The following FLG variants were observed in gnomAD, a reference collection of about 807,000 sequenced individuals.
FLG encodes the protein filaggrin, also known as epidermal filaggrin.
FLG carries 6 observed loss-of-function variants against 3.8 expected under a neutral mutation model. That is an observed-to-expected ratio of 1.60 (90% CI 0.87 to 3.15). The LOEUF is 3.15. Ranked by LOEUF, FLG falls within the 30% of genes most tolerant of loss-of-function variation. FLG has a pLI of 0.00. For synonymous variants in FLG, 2,551 were observed against 1,931.6 expected (o/e 1.32, Z -8.41); for missense variants, 7,595 against 5,050.9 (o/e 1.50, Z -15.27).
rs1367096660 is a variant in FLG, at chr1:152,303,571, G to C, written c.11315C>G (p.Ser3772Cys). The change falls in exon 3 of 3, where the codon TCC becomes TGC. Residue 3772 changes from serine (S) to cysteine (C), a missense_variant. By Grantham distance (112) the Ser-to-Cys change is moderately radical (BLOSUM62 -1). Transcript: ENST00000368799. ...CCTATCTACCGATTGCTCGTGGTAG[G>C]ATCCCTGTCTTCCTCCTCTCCTTGA... ...PGSRRGGRQG[S>C]YHEQSVDRSG... is the part of the protein sequence containing the mutation. 1 of 1,613,962 alleles carries C rather than the reference G, an allele frequency of 6.2e-7. No homozygotes were observed. Among genetic ancestry groups the C allele is most frequent in the Non-Finnish European group, 8.5e-7 (1 of 1,179,988 alleles).
chr1:152,302,757 A>G lies in FLG; in HGVS notation c.12129T>C (p.Ser4043=). Residue 4043 remains serine, a synonymous_variant, in exon 3 of 3, where the codon AGT becomes AGC. Coordinates refer to ENST00000368799, the MANE Select transcript of FLG (RefSeq NM_002016.2). ...TAAATCCCAGTTGTTTCGATATATC[A>G]CTAGAATGGCCACATAAACCTGGGT... The part of the protein sequence containing the change: ...NKDPGLCGHS[S]DISKQLGFSQ... 6.2e-7 allele frequency: 1 copy of G among 1,614,168 alleles called. No homozygotes were observed. The highest frequency in any genetic ancestry group is 8.5e-7 in the Non-Finnish European group (1 of 1,180,032).
In FLG at chr1:152,312,473, A is replaced by T; in HGVS notation, c.2413T>A (p.Ser805Thr). 6.2e-7 allele frequency: 1 copy of T among 1,612,720 alleles called. No individual in the cohort carries two copies. The highest frequency in any genetic ancestry group is 8.5e-7 in the Non-Finnish European group (1 of 1,179,714). ...YQVSTHKQSE[S>T]SHGWTGPSTG... ...CTGGGCCCTGTCCATCCATGGGAGG[A>T]CTCAGACTGTTTATGAGTGCTCACC... The change falls in exon 3 of 3, where the codon TCC (serine) becomes ACC (threonine). Residue 805 changes from serine to threonine, a missense_variant. By Grantham distance (58) the Ser-to-Thr change is moderately conservative (BLOSUM62 1). Transcript: ENST00000368799.
rs140368354 is a variant in FLG at position 152,304,640 on chromosome 1, C to G, written c.10246G>C (p.Glu3416Gln). 3.1e-6 allele frequency: 5 copies of G among 1,612,638 alleles called. No individual in the cohort carries two copies. The African/African-American group carries it at 6.7e-5, about 22-fold the overall frequency. Residue 3416 changes from glutamate (E) to glutamine (Q), a missense_variant, in exon 3 of 3, where the codon GAG (glutamate) becomes CAG (glutamine). By Grantham distance (29) the Glu-to-Gln change is conservative (BLOSUM62 2). Coordinates refer to ENST00000368799, the MANE Select transcript of FLG (RefSeq NM_002016.2). ...TGCCTGGAGCTGTCTCGTGCCTGCT[C>G]GTGGTGGGATCCTTGTCTTCGTCCA... ...STGRRQGSHH[E>Q]QARDSSRHSA...
rs145318839 is a variant in FLG at position 152,322,849 on chromosome 1, G to A, written c.-22+2340C>T. Among the ~76,000 whole-genome samples the A allele has an allele frequency of 1.4e-3, 219 of 151,334 alleles. 3 individuals are homozygous for A. The highest frequency in any genetic ancestry group is 4.8e-3 in the African/African-American group (197 of 41,442). On this transcript the variant is annotated intron_variant, in intron 1 of 2. Coordinates refer to ENST00000368799, the MANE Select transcript of FLG (RefSeq NM_002016.2). ...TGAAATCCCATTCTGAATATCTGAA[G>A]TTTTTTTAAAAAATAAAGATTAATA...
intron 1 of FLG, among the ~76,000 whole-genome samples, chr1:152,318,569 TA>T (rs1557884490): frequency 6.7e-6 from 1 of 149,460 alleles, no homozygotes; most frequent in African/African-American, 2.5e-5. Flanking sequence ...ACCTTCTTTT[TA>T]AAAAAAATCT....
chr1:152,311,174 G>C lies in FLG; in HGVS notation c.3712C>G (p.His1238Asp), dbSNP rs753171514. Residue 1238 changes from histidine to aspartate, a missense_variant, in exon 3 of 3, where the codon CAT (histidine) becomes GAT (aspartate). Coordinates refer to ENST00000368799, the MANE Select transcript of FLG (RefSeq NM_002016.2). ...DGSRHSGSRHHEAASWADSSR... is the reference protein window; with the variant it reads ...DGSRHSGSRHDEAASWADSSR... ...CTGTCAGCCCAAGAGGCAGCTTCAT[G>C]GTGACGTGACCCTGAGTGCCTGGAG... is the stretch of plus-strand genomic sequence containing the variant. The C allele has an allele frequency of 1.2e-6, 2 of 1,613,646 alleles. No individual in the cohort carries two copies. Among genetic ancestry groups the C allele is most frequent in the South Asian group, 1.1e-5 (1 of 91,052 alleles).
rs1652572595 is a variant in FLG, at chr1:152,313,024, A to G, written c.1862T>C (p.Val621Ala). 1 of 1,613,868 alleles carries G rather than the reference A, an allele frequency of 6.2e-7. No homozygotes were observed. The highest frequency in any genetic ancestry group is 2.2e-5 in the East Asian group (1 of 44,844). Residue 621 changes from valine (V) to alanine (A), a missense_variant, in exon 3 of 3, where the codon GTT (valine) becomes GCT (alanine). Val to Ala is a moderately conservative substitution (Grantham distance 64). Transcript: ENST00000368799. The part of the protein sequence containing the change: ...PRTSRNQGSS[V>A]SQDSDSQGHS... ...TCCCTGACTGTCACTGTCCTGGCTA[A>G]CACTGGATCCCTGGTTCCTACTTGT...
At position 152,307,896 on chromosome 1, in the gene FLG, G is replaced by T. The variant is rs6664985; in HGVS notation, c.6990C>A (p.His2330Gln). The part of the protein sequence containing the change: ...EQARSSAGER[H>Q]GSHHQQSADS... Reference sequence around the variant, plus strand: ...CTGCTGACTGCTGGTGGTGGGATCCGTGTCTCTCTCCTGCACTTGATCTTG... The same window carrying T: ...CTGCTGACTGCTGGTGGTGGGATCCTTGTCTCTCTCCTGCACTTGATCTTG... Residue 2330 changes from histidine (H) to glutamine (Q), a missense_variant, in exon 3 of 3, where the codon CAC becomes CAA. His to Gln is a conservative substitution (Grantham distance 24). Transcript: ENST00000368799. The T allele has an allele frequency of 1.2e-4, 188 of 1,610,868 alleles. 1 individual carries two copies. Among genetic ancestry groups the T allele is most frequent in the Non-Finnish European group, 1.4e-4 (161 of 1,178,938 alleles).
chr1:152,321,351 A>G (rs562504340), intron 1 of FLG, among the ~76,000 whole-genome samples: 4 of 151,220 alleles, frequency 2.6e-5, no homozygotes, highest in East Asian at 3.9e-4. Context: ...AATTAATAAA[A>G]GAGAAAGAAA....
rs1359253104 is a variant in FLG at position 152,308,077 on chromosome 1, G to T, written c.6809C>A (p.Ser2270Tyr). The T allele has an allele frequency of 6.2e-7, 1 of 1,614,044 alleles. No homozygotes were observed. Among genetic ancestry groups the T allele is most frequent in the South Asian group, 1.1e-5 (1 of 91,078 alleles). ...GCCATCTCTTGACTGCTCCTGAGCAGATCCATGATGGTTTCTGGACGCAGA... is the reference window on the plus strand; with the variant it reads ...GCCATCTCTTGACTGCTCCTGAGCATATCCATGATGGTTTCTGGACGCAGA... ...SGSASRNHHG[S>Y]AQEQSRDGSR... The change falls in exon 3 of 3, where the codon TCT becomes TAT. Residue 2270 changes from serine to tyrosine, a missense_variant. Physicochemically the swap from Ser to Tyr is moderately radical, Grantham distance 144. Transcript: ENST00000368799.
rs776205622 is a variant in FLG, at chr1:152,309,450, G to A, written c.5436C>T (p.Thr1812=). Residue 1812 remains threonine, a synonymous_variant, in exon 3 of 3, where the codon ACC becomes ACT. Transcript: ENST00000368799. ...TGCTTGACCCTGGGTGTCCACGAAT[G>A]GTGTCCTGACCCTCTTGGGACGCTG... ...RHSASQEGQD[T]IRGHPGSSRG... 1.2e-6 allele frequency: 2 copies of A among 1,613,316 alleles called. No individual in the cohort carries two copies. Among genetic ancestry groups the A allele is most frequent in the Non-Finnish European group, 8.5e-7 (1 of 1,179,912 alleles).
intron 1 of FLG, among the ~76,000 whole-genome samples, chr1:152,316,329 G>A (rs1175078815): frequency 6.6e-6 from 1 of 151,974 alleles, no homozygotes; most frequent in East Asian, 1.9e-4. Flanking sequence ...ATTTGGGTAA[G>A]TTTATGGGTA....
chr1:152,302,656 C>T lies in FLG; in HGVS notation c.*44G>A. On this transcript the variant is annotated 3_prime_UTR_variant, in exon 3 of 3. Coordinates refer to ENST00000368799, the MANE Select transcript of FLG (RefSeq NM_002016.2). ...AGTTTCTTGATTGAAAGTGAACTTG[C>T]TTCATTCTTCTATTCTTGGATTAAT... is the stretch of plus-strand genomic sequence containing the variant. The T allele has an allele frequency of 6.2e-7, 1 of 1,607,838 alleles. No homozygotes were observed. The highest frequency in any genetic ancestry group is 8.5e-7 in the Non-Finnish European group (1 of 1,177,228).
Position 152,305,654 on chromosome 1 carries a change from A to C in FLG, c.9232T>G (p.Trp3078Gly). 7.0e-7 allele frequency: 1 copy of C among 1,433,732 alleles called. No individual in the cohort carries two copies. Among genetic ancestry groups the C allele is most frequent in the Non-Finnish European group, 9.3e-7 (1 of 1,079,354 alleles). The allele number at this position is 1,433,732 out of a possible 1,614,324, so 88.8% of individuals were successfully genotyped here. ...THEQSESSHG[W>G]TGPSTRGRQG... ...CTTCCTCTAGTGCTGGGCCCCGTCC[A>C]TCCATGGGAGGACTCAGACTGTTCA... is the stretch of plus-strand genomic sequence containing the variant. The change falls in exon 3 of 3, where the codon TGG becomes GGG. Residue 3078 changes from tryptophan (W) to glycine (G), a missense_variant. Physicochemically the swap from Trp to Gly is radical, Grantham distance 184 (BLOSUM62 -2). Transcript: ENST00000368799.
rs768315267 is a variant in FLG, at chr1:152,312,739, G to T, written c.2147C>A (p.Ser716Ter). ...ERHGSRHQLQ[S>*]ADSSRHSGTG... The stretch of plus-strand genomic sequence containing the variant: ...GCCTGAGTGTCTGGAGCTGTCTGCT[G>T]ACTGGAGCTGGTGGCGGGATCCATG... The change falls in exon 3 of 3, where the codon TCA becomes TAA. Residue 716 changes from serine to a stop codon, truncating the protein, a stop_gained. Coordinates refer to ENST00000368799, the MANE Select transcript of FLG (RefSeq NM_002016.2). LOFTEE classifies it low-confidence loss of function (END_TRUNC). The T allele has an allele frequency of 3.1e-6, 5 of 1,614,016 alleles. No individual in the cohort carries two copies. The highest frequency in any genetic ancestry group is 4.2e-6 in the Non-Finnish European group (5 of 1,180,028).
rs140941956 is a variant in FLG at position 152,313,680 on chromosome 1, G to C, written c.1206C>G (p.Arg402=). Residue 402 remains arginine, a synonymous_variant, in exon 3 of 3, where the codon CGC becomes CGG. Coordinates refer to ENST00000368799, the MANE Select transcript of FLG (RefSeq NM_002016.2). ...CGCTGACTGCAGATGAAGCTTGCCC[G>C]CGCCCAGTGGCTGAGTGTCTGGAGC... ...ADSSRHSATG[R]GQASSAVSDR... is the part of the protein sequence containing the mutation. The C allele has an allele frequency of 3.1e-6, 5 of 1,614,018 alleles. No individual in the cohort carries two copies. The South Asian group carries it at 5.5e-5, about 18-fold the overall frequency.
chr1:152,308,616 G>C lies in FLG; in HGVS notation c.6270C>G (p.Phe2090Leu). 1 of 1,614,132 alleles carries C rather than the reference G, an allele frequency of 6.2e-7. No homozygotes were observed. Among genetic ancestry groups the C allele is most frequent in the Non-Finnish European group, 8.5e-7 (1 of 1,180,016 alleles). ...GTTCATGAGTGCTCACCTGGTAGAG[G>C]AAAGACCCTGAACGTCCAGAGCTTT... ...SGESSGRSGS[F>L]LYQVSTHEQS... is the part of the protein sequence containing the mutation. The change falls in exon 3 of 3, where the codon TTC becomes TTG. Residue 2090 changes from phenylalanine (F) to leucine (L), a missense_variant. Transcript: ENST00000368799.
intron 1 of FLG, among the ~76,000 whole-genome samples, chr1:152,315,709 G>T (rs915286167): frequency 1.3e-5 from 2 of 152,068 alleles, no homozygotes; most frequent in Admixed American, 1.3e-4. Context: ...CTTACAGCTG[G>T]ACTTAGTAGT....
In FLG at chr1:152,305,062, C is replaced by T. The variant is rs1651864763; in HGVS notation, c.9824G>A (p.Gly3275Asp). The change falls in exon 3 of 3, where the codon GGC becomes GAC. Residue 3275 changes from glycine to aspartate, a missense_variant. Coordinates refer to ENST00000368799, the MANE Select transcript of FLG (RefSeq NM_002016.2). ...GHSADRSRQS[G>D]TRHAETSSGG... ...AGAGGAAGTCTCTGCGTGACGAGTG[C>T]CTGATTGTCTGGAGCGGTCTGCAGA... 6.2e-7 allele frequency: 1 copy of T among 1,613,882 alleles called. No individual in the cohort carries two copies. The highest frequency in any genetic ancestry group is 1.1e-5 in the South Asian group (1 of 91,036).
Sources: gnomAD v4.1 joint callset for allele counts (sites outside exome capture counted in the v4.1 genomes callset) on GRCh38, gnomAD v4.1.1 for gene constraint, MANE v1.5 for transcripts, NCBI Gene and HGNC (gene_info 2026-07-23, HGNC 2026-07-21) for gene names.